The following SNRNP200 variants were observed in gnomAD, a reference collection of about 807,000 sequenced individuals.
SNRNP200 encodes U5 small nuclear ribonucleoprotein 200 kDa helicase.
SNRNP200 carries 66 observed loss-of-function variants against 255.2 expected under a neutral mutation model. The observed-to-expected ratio is 0.26, with a 90% confidence interval of 0.21 to 0.32. The LOEUF (loss-of-function observed/expected upper bound fraction) is 0.32. SNRNP200 is among the 10% of genes least tolerant of loss of function. The probability of loss-of-function intolerance (pLI) is 1.00; values close to 1 mark genes in which losing one functional copy is unlikely to be tolerated. For synonymous variants in SNRNP200, 939 were observed against 1,027.8 expected (o/e 0.91, Z 1.65); for missense variants, 1,585 against 2,749.8 (o/e 0.58, Z 9.47).
Position 96,278,872 on chromosome 2 carries a change from A to G in SNRNP200, c.5260T>C (p.Tyr1754His). 6.2e-7 allele frequency: 1 copy of G among 1,614,206 alleles called. No homozygotes were observed. Among genetic ancestry groups the G allele is most frequent in the East Asian group, 2.2e-5 (1 of 44,888 alleles). ...TIENKQDAVD[Y>H]LTWTFLYRRM... Reference sequence around the variant, plus strand: ...CGGTACAGAAAGGTCCAGGTGAGGTAGTCCACAGCATCCTGCTTGTTCTCA... The same window carrying G: ...CGGTACAGAAAGGTCCAGGTGAGGTGGTCCACAGCATCCTGCTTGTTCTCA... Residue 1754 changes from tyrosine (Y) to histidine (H), a missense_variant, in exon 37 of 45, where the codon TAC becomes CAC. By Grantham distance (83) the Tyr-to-His change is moderately conservative. Coordinates refer to ENST00000323853, the MANE Select transcript of SNRNP200 (RefSeq NM_014014.5). This position sits in a 1 kb window ranked among gnomAD's most constrained non-coding sequence, Gnocchi z 6.9.
In SNRNP200 at chr2:96,283,084, A is replaced by T. The variant is rs1380919721; in HGVS notation, c.4915+117T>A. 1 of 1,334,010 alleles carries T rather than the reference A, an allele frequency of 7.5e-7. No homozygotes were observed. 82.6% of individuals were successfully genotyped at this position (1,334,010 alleles called of 1,614,324 possible). On this transcript the variant is annotated intron_variant, in intron 34 of 44. Coordinates refer to ENST00000323853, the MANE Select transcript of SNRNP200 (RefSeq NM_014014.5). This position sits in a 1 kb window ranked among gnomAD's most constrained non-coding sequence, Gnocchi z 4.7. ...GAGTTAACAGCCAAGAGTCCTAAAC[A>T]GTATTTTGAAAATCTCTGGTATGCT...
At chr2:96,292,036 G>A in intron 16 of SNRNP200, 136 bp from the exon 17 acceptor site, 1 of 952,466 alleles carries the variant, frequency 1.0e-6, no homozygotes, top group Non-Finnish European at 1.7e-6. Context: ...ATGTGTGCAG[G>A]CTCAGAGGAA....
At chr2:96,301,831 T>C in intron 3 of SNRNP200, 115 bp from the exon 4 acceptor site, 3 of 1,017,208 alleles carry the variant, frequency 2.9e-6, no homozygotes, top group African/African-American at 1.6e-5. Flanking sequence ...ACCTGCCACA[T>C]ACTAGGCTCT....
chr2:96,290,526 A>G lies in SNRNP200; in HGVS notation c.2554-12T>C, dbSNP rs1270594313. ...GCACGTCCCAGCATCTAGATCAGAGACAGCGAACCAAGAATGCTATGTCAA... is the reference window on the plus strand; with the variant it reads ...GCACGTCCCAGCATCTAGATCAGAGGCAGCGAACCAAGAATGCTATGTCAA... On this transcript the variant is annotated splice_polypyrimidine_tract_variant and intron_variant, in intron 19 of 44. Transcript: ENST00000323853. This position sits in a 1 kb window ranked among gnomAD's most constrained non-coding sequence, Gnocchi z 4.5. 2 of 1,614,010 alleles carry G rather than the reference A, an allele frequency of 1.2e-6. No individual in the cohort carries two copies. Among genetic ancestry groups the G allele is most frequent in the Non-Finnish European group, 1.7e-6 (2 of 1,180,014 alleles).
chr2:96,283,415 C>G lies in SNRNP200; in HGVS notation c.4764-63G>C. Reference sequence around the variant, plus strand: ...CAATTCCTGGCAGACACTTTGCCAGCTGTGCAGAACCTGGCCCCAAGCAAC... The same window carrying G: ...CAATTCCTGGCAGACACTTTGCCAGGTGTGCAGAACCTGGCCCCAAGCAAC... On this transcript the variant is annotated intron_variant, in intron 33 of 44. Coordinates refer to ENST00000323853, the MANE Select transcript of SNRNP200 (RefSeq NM_014014.5). The surrounding 1 kb of genome is among the most constrained non-coding windows in gnomAD (Gnocchi z 4.7). 1 of 1,612,724 alleles carries G rather than the reference C, an allele frequency of 6.2e-7. No individual in the cohort carries two copies. Among genetic ancestry groups the G allele is most frequent in the Non-Finnish European group, 8.5e-7 (1 of 1,178,980 alleles).
chr2:96,284,079 C>T, intron 31 of SNRNP200, 75 bp from the exon 32 acceptor site: 1 of 1,346,262 alleles, frequency 7.4e-7, no homozygotes, highest in Non-Finnish European at 1.0e-6. Flanking sequence ...CCTTTGTGAA[C>T]AGCCCAACAG....
intron 14 of SNRNP200, among the ~76,000 whole-genome samples, 184 bp downstream of exon 14, chr2:96,295,304 A>C (rs1011362188): frequency 6.6e-6 from 1 of 152,256 alleles, no homozygotes; most frequent in Non-Finnish European, 1.5e-5. Flanking sequence ...TGGCCACCAA[A>C]GCTTCTAAGA....
chr2:96,304,578 T>C, intron 2 of SNRNP200, 127 bp downstream of exon 2: 2 of 1,316,622 alleles, frequency 1.5e-6, no homozygotes, highest in Non-Finnish European at 2.2e-6. Flanking sequence ...TGGTCTGTTT[T>C]TACCTTCACT....
chr2:96,280,234 C>A (rs1439258847), intron 35 of SNRNP200, among the ~76,000 whole-genome samples: 1 of 152,208 alleles, frequency 6.6e-6, no homozygotes, highest in Non-Finnish European at 1.5e-5. Context: ...CTATAACTCA[C>A]ACCTGTAATC....
rs1250607752 is a variant in SNRNP200 at position 96,275,166 on chromosome 2, C to T, written c.6268-11G>A. 10 of 1,614,250 alleles carry T rather than the reference C, an allele frequency of 6.2e-6. No homozygotes were observed. Among genetic ancestry groups the T allele is most frequent in the Non-Finnish European group, 8.5e-6 (10 of 1,180,042 alleles). On this transcript the variant is annotated splice_polypyrimidine_tract_variant and intron_variant, in intron 44 of 44. Transcript: ENST00000323853. ...AAAGTCCAACTTCACCTAGAAAGAG[C>T]AGGCAGAAATCAAGATGAGCATGGA...
intron 16 of SNRNP200, among the ~76,000 whole-genome samples, chr2:96,292,692 A>G (rs1181016073): frequency 6.6e-6 from 1 of 152,118 alleles, no homozygotes; most frequent in Non-Finnish European, 1.5e-5. Context: ...CATGTTATCT[A>G]TTTCATCTGG....
Position 96,298,801 on chromosome 2 carries a change from CAT to C in SNRNP200, c.882+12_882+13del. On this transcript the variant is annotated intron_variant, in intron 7 of 44. Transcript: ENST00000323853. ...GATACACTAAATATACAACTATTGT[CAT>C]CTTGGCCATACCTTCAAAATCTCCA... 1 of 1,614,154 alleles carries C rather than the reference CAT, an allele frequency of 6.2e-7. No individual in the cohort carries two copies. Among genetic ancestry groups the C allele is most frequent in the Non-Finnish European group, 8.5e-7 (1 of 1,180,010 alleles).
At chr2:96,289,501 A>G (rs1253487417) in intron 21 of SNRNP200, 122 bp from the exon 22 acceptor site, 2 of 1,037,470 alleles carry the variant, frequency 1.9e-6, no homozygotes, top group Non-Finnish European at 1.5e-6. Context: ...TATATGACCC[A>G]ATGTCATTAT....
chr2:96,283,240 G>A lies in SNRNP200; in HGVS notation c.4876C>T (p.Pro1626Ser), dbSNP rs1172571949. Residue 1626 changes from proline to serine, a missense_variant, in exon 34 of 45, where the codon CCC becomes TCC. Pro to Ser is a moderately conservative substitution (Grantham distance 74). Coordinates refer to ENST00000323853, the MANE Select transcript of SNRNP200 (RefSeq NM_014014.5). The surrounding 1 kb of genome is among the most constrained non-coding windows in gnomAD (Gnocchi z 4.7). ...TGCTCCACCAGGCGTCGCTCCATGG[G>A]GCTGAGCCCCTCATGCAGGTAGCCC... is the stretch of plus-strand genomic sequence containing the variant. ...GVGYLHEGLS[P>S]MERRLVEQLF... The A allele has an allele frequency of 6.2e-7, 1 of 1,614,126 alleles. No individual in the cohort carries two copies. The highest frequency in any genetic ancestry group is 8.5e-7 in the Non-Finnish European group (1 of 1,180,034).
intron 14 of SNRNP200, among the ~76,000 whole-genome samples, 165 bp downstream of exon 14, chr2:96,295,323 C>T (rs2063910111): frequency 6.6e-6 from 1 of 152,252 alleles, no homozygotes; most frequent in African/African-American, 2.4e-5. Flanking sequence ...GACAGGACCT[C>T]TGTCATCGTG....
Position 96,305,531 on chromosome 2 carries a change from G to T in SNRNP200, c.-94C>A. Reference sequence around the variant, plus strand: ...TCTGCTCCCGCCGCGCCGGAACGACGCAGGAAAGACGCACTGGGGAAGGAA... The same window carrying T: ...TCTGCTCCCGCCGCGCCGGAACGACTCAGGAAAGACGCACTGGGGAAGGAA... On this transcript the variant is annotated 5_prime_UTR_variant, in exon 1 of 45. Coordinates refer to ENST00000323853, the MANE Select transcript of SNRNP200 (RefSeq NM_014014.5). The T allele has an allele frequency of 6.4e-7, 1 of 1,555,838 alleles. No homozygotes were observed. The highest frequency in any genetic ancestry group is 8.8e-7 in the Non-Finnish European group (1 of 1,133,290).
Position 96,278,435 on chromosome 2 carries a change from C to A in SNRNP200, c.5489-77G>T. ...AGAACTGCCCGGGCTCCCCTGCTGT[C>A]CCCTGCAGTGTCATCCCGCTGACAA... On this transcript the variant is annotated intron_variant, in intron 38 of 44. Transcript: ENST00000323853. This position sits in a 1 kb window ranked among gnomAD's most constrained non-coding sequence, Gnocchi z 6.9. 2 of 1,611,604 alleles carry A rather than the reference C, an allele frequency of 1.2e-6. No individual in the cohort carries two copies. Among genetic ancestry groups the A allele is most frequent in the Non-Finnish European group, 1.7e-6 (2 of 1,179,294 alleles).
intron 35 of SNRNP200, 124 bp from the exon 36 acceptor site, chr2:96,279,683 G>A (rs1684727167): frequency 2.9e-6 from 2 of 691,744 alleles, no homozygotes; most frequent in African/African-American, 1.8e-5. Flanking sequence ...ACAAATCACG[G>A]GACGACTCTG....
rs774090560 is a variant in SNRNP200, at chr2:96,286,366, G to A, written c.3948C>T (p.Ala1316=). The change falls in exon 29 of 45, where the codon GCC becomes GCT. Residue 1316 remains alanine, a synonymous_variant. Coordinates refer to ENST00000323853, the MANE Select transcript of SNRNP200 (RefSeq NM_014014.5). The surrounding 1 kb of genome is among the most constrained non-coding windows in gnomAD (Gnocchi z 4.8). ...PLPVSALRNS[A]FESLYQDKFP... Reference sequence around the variant, plus strand: ...ATTTATCTTGGTAAAGACTCTCAAAGGCACTGTTTCTCAGAGCAGACACGG... The same window carrying A: ...ATTTATCTTGGTAAAGACTCTCAAAAGCACTGTTTCTCAGAGCAGACACGG... The A allele has an allele frequency of 4.2e-5, 67 of 1,614,082 alleles. No individual in the cohort carries two copies. Among genetic ancestry groups the A allele is most frequent in the Non-Finnish European group, 5.1e-5 (60 of 1,180,034 alleles).
Sources: allele counts gnomAD v4.1 joint callset (sites outside exome capture counted in the v4.1 genomes callset), GRCh38; gene constraint gnomAD v4.1.1; non-coding constraint Gnocchi (gnomAD v3.1); transcripts MANE v1.5; gene names NCBI Gene and HGNC (gene_info 2026-07-23, HGNC 2026-07-21).